Variants in TMEM67 observed in about 807,000 individuals in gnomAD.
TMEM67 encodes the protein meckelin.
TMEM67 carries 124 observed loss-of-function variants against 136.6 expected under a neutral mutation model. The ratio of observed to expected loss-of-function variants is 0.91; its 90% CI spans 0.78 to 1.05. The LOEUF is 1.05. TMEM67 is among the 50% of genes least tolerant of loss of function. The pLI is 0.00. For missense variants in TMEM67, 1,107 were observed against 1,178.4 expected, an observed-to-expected ratio of 0.94 and a Z score of 0.89; for synonymous variants, 364 against 390.5, an observed-to-expected ratio of 0.93 and a Z score of 0.80.
chr8:93,782,845 G>A (rs1813909357), intron 11 of TMEM67, among the ~76,000 whole-genome samples: 1 of 152,076 alleles, frequency 6.6e-6, no homozygotes. Context: ...GAAGTGCTGA[G>A]ATTACAGGCA....
chr8:93,776,128 G>A (rs1176375992), intron 7 of TMEM67, among the ~76,000 whole-genome samples: 2 of 152,162 alleles, frequency 1.3e-5, no homozygotes, highest in Admixed American at 6.5e-5. Flanking sequence ...GTGAATGGGA[G>A]TTCACTCATG....
chr8:93,778,300 T>G (rs1228399603), intron 7 of TMEM67, among the ~76,000 whole-genome samples: 1 of 152,234 alleles, frequency 6.6e-6, no homozygotes, highest in Non-Finnish European at 1.5e-5. Flanking sequence ...GTCTTTACTC[T>G]TTATCCAATT....
At chr8:93,819,223 A>G (rs1184863505), downstream of TMEM67, 1 of 435,202 alleles carries the variant, frequency 2.3e-6, no homozygotes, top group African/African-American at 2.1e-5. Flanking sequence ...AATTAATAAT[A>G]TGATATTAAA....
At chr8:93,803,742 GT>G (rs1814974677) in intron 22 of TMEM67, 58 bp downstream of exon 22, 1 of 1,057,474 alleles carries the variant, frequency 9.5e-7, no homozygotes, top group Admixed American at 1.7e-5. Context: ...AAGGTCATGA[GT>G]TTGTTAAGAG....
Position 93,780,825 on chromosome 8 carries a change from A to C in TMEM67, c.870-49A>C, listed in dbSNP as rs551944882. On this transcript the variant is annotated intron_variant, in intron 8 of 27. Coordinates refer to ENST00000453321, the MANE Select transcript of TMEM67 (RefSeq NM_153704.6). The stretch of plus-strand genomic sequence containing the variant: ...ATTAATATATTCACAAATACTAATA[A>C]TAAGAAATATTTATTCTCCATTATT... 8 of 1,591,796 alleles carry C rather than the reference A, an allele frequency of 5.0e-6. No individual in the cohort carries two copies. In the South Asian group the frequency reaches 8.9e-5, roughly 18 times the overall value.
chr8:93,821,873 G>C (rs1414513705), downstream of TMEM67, among the ~76,000 whole-genome samples: 2 of 152,190 alleles, frequency 1.3e-5, no homozygotes, highest in Non-Finnish European at 2.9e-5. Context: ...GCCTGCCTGG[G>C]TGACACAGTG....
intron 23 of TMEM67, among the ~76,000 whole-genome samples, chr8:93,807,618 A>C (rs6997460): frequency 0.018 from 2,787 of 152,032 alleles, 85 homozygotes; most frequent in African/African-American, 0.061. Context: ...TAATATTTTT[A>C]TTTTCTTTTT....
At position 93,798,942 on chromosome 8, in the gene TMEM67, AGTGTGTGTGT is replaced by A. The variant is rs35511670; in HGVS notation, c.2101-643_2101-634del. Among the ~76,000 whole-genome samples the A allele has an allele frequency of 1.2e-3, 174 of 143,482 alleles. 1 individual carries two copies. Among genetic ancestry groups the A allele is most frequent in the Middle Eastern group, 3.4e-3 (1 of 290 alleles). 94.1% of individuals were successfully genotyped at this position (143,482 alleles called of 152,430 possible). A position where few individuals can be genotyped will look rare whatever the true frequency, so the allele number is the denominator to read the frequency against. On this transcript the variant is annotated intron_variant, in intron 20 of 27. Transcript: ENST00000453321. Reference sequence around the variant, plus strand: ...ACATCTTTTCTTTTTGTACTAAAGTAGTGTGTGTGTGTGTGTGTGTGTGTGTGTGTGTGTG... The same window carrying A: ...ACATCTTTTCTTTTTGTACTAAAGTAGTGTGTGTGTGTGTGTGTGTGTGTG...
the TMEM67 span, among the ~76,000 whole-genome samples, chr8:93,827,225 C>T: frequency 4.3e-3 from 656 of 152,174 alleles, 1 homozygote; most frequent in African/African-American, 0.014. Flanking sequence ...ACAACATATA[C>T]GAAAAAATTG....
Position 93,809,037 on chromosome 8 carries a change from A to G in TMEM67, c.2557-20A>G. ...ACCAAGAACATAACACTTTGTATTC[A>G]TTTCTCTTTTTTACATTAGAAAAAT... On this transcript the variant is annotated intron_variant, in intron 24 of 27. Coordinates refer to ENST00000453321, the MANE Select transcript of TMEM67 (RefSeq NM_153704.6). 20 of 1,565,262 alleles carry G rather than the reference A, an allele frequency of 1.3e-5. No individual in the cohort carries two copies. The highest frequency in any genetic ancestry group is 1.8e-5 in the Non-Finnish European group (20 of 1,136,004).
intron 23 of TMEM67, among the ~76,000 whole-genome samples, chr8:93,808,423 ATATT>A (rs1190869011): frequency 8.5e-3 from 30 of 3,534 alleles, no homozygotes; most frequent in African/African-American, 0.015. Context: ...TTATAGATAT[ATATT>A]TATCTATTAT....
chr8:93,828,244 G>A, the TMEM67 span, among the ~76,000 whole-genome samples: 2 of 152,090 alleles, frequency 1.3e-5, no homozygotes, highest in South Asian at 4.1e-4. Flanking sequence ...GACACCCTCT[G>A]GAAGGTCCTA....
chr8:93,804,520 T>C (rs2130762374), intron 22 of TMEM67, among the ~76,000 whole-genome samples: 1 of 141,806 alleles, frequency 7.1e-6, no homozygotes, highest in African/African-American at 2.6e-5. Context: ...AGAGTTTCCC[T>C]ATGTTGCCCA....
chr8:93,789,666 A>T (rs1269218145), intron 14 of TMEM67, among the ~76,000 whole-genome samples: 5 of 28,684 alleles, frequency 1.7e-4, no homozygotes, highest in South Asian at 1.6e-3. Flanking sequence ...ATATATATAT[A>T]TATATTTTTT....
chr8:93,764,743 C>G (rs1037776130), intron 4 of TMEM67, among the ~76,000 whole-genome samples: 4 of 152,068 alleles, frequency 2.6e-5, no homozygotes, highest in African/African-American at 9.7e-5. Context: ...CATCCAAATA[C>G]CAATTTTTTT....
rs1001805885 is a variant in TMEM67 at position 93,803,606 on chromosome 8, C to T, written c.2244C>T (p.Val748=). 7 of 1,587,446 alleles carry T rather than the reference C, an allele frequency of 4.4e-6. No homozygotes were observed. Among genetic ancestry groups the T allele is most frequent in the East Asian group, 2.2e-5 (1 of 44,654 alleles). ...ATAAACTTGACTTAATGTTTCAGGT[C>T]GTGTTCTTTGCTGTCTTTTATGAGA... ...ALWLAIGIIQ[V]VFFAVFYERF... is the part of the protein sequence containing the mutation. The change falls in exon 22 of 28, where the codon GTC becomes GTT. Residue 748 remains valine, a splice_region_variant and synonymous_variant. Coordinates refer to ENST00000453321, the MANE Select transcript of TMEM67 (RefSeq NM_153704.6).
intron 6 of TMEM67, among the ~76,000 whole-genome samples, chr8:93,770,754 C>T (rs1370546860): frequency 6.6e-6 from 1 of 152,110 alleles, no homozygotes; most frequent in Admixed American, 6.5e-5. Context: ...GTGGCTCACT[C>T]CTTTAATCCC....
chr8:93,831,955 T>C, the TMEM67 span, among the ~76,000 whole-genome samples: 3 of 152,200 alleles, frequency 2.0e-5, no homozygotes, highest in African/African-American at 7.2e-5. Flanking sequence ...GGGCACTGCT[T>C]GGAAAACAAC....
rs188566373 is a variant in TMEM67, at chr8:93,780,535, A to G, written c.715-58A>G. The G allele has an allele frequency of 3.7e-4, 590 of 1,608,896 alleles. 4 individuals carry two copies. The Admixed American group carries it at 8.9e-3, about 24-fold the overall frequency. On this transcript the variant is annotated intron_variant, in intron 7 of 27. Transcript: ENST00000453321. The stretch of plus-strand genomic sequence containing the variant: ...TGCACAAAGTAAAATTTTTATATCA[A>G]CTTTTGCATAGACTGTTCAGGTTCA...
Sources: gnomAD v4.1 joint callset for allele counts (sites outside exome capture counted in the v4.1 genomes callset) on GRCh38, gnomAD v4.1.1 for gene constraint, MANE v1.5 for transcripts, NCBI Gene and HGNC (gene_info 2026-07-23, HGNC 2026-07-21) for gene names.